The following NRBP2 variants were observed in gnomAD, a reference collection of about 807,000 sequenced individuals.
NRBP2 encodes the protein nuclear receptor binding protein 2, also known as nuclear receptor-binding protein 2.
In NRBP2, 47 loss-of-function variants were observed where a neutral mutation model predicts 74.4. The observed-to-expected ratio is 0.63, with a 90% confidence interval of 0.50 to 0.81. The LOEUF is 0.81. Ranked by LOEUF, NRBP2 falls within the 30% of genes least tolerant of loss-of-function variation. The probability of loss-of-function intolerance (pLI) is 0.00; values close to 1 mark genes in which losing one functional copy is unlikely to be tolerated. For missense variants in NRBP2, 613 were observed against 690.1 expected (o/e 0.89, Z 1.25); for synonymous variants, 312 against 273.8 (o/e 1.14, Z -1.38).
In NRBP2 at chr8:143,839,470, GCTCGGTGGCGCCGCGCC is replaced by G; in HGVS notation, c.485+22_485+38del. 6.5e-7 allele frequency: 1 copy of G among 1,530,502 alleles called. No homozygotes were observed. Among genetic ancestry groups the G allele is most frequent in the Non-Finnish European group, 8.7e-7 (1 of 1,143,296 alleles). 94.8% of individuals were successfully genotyped at this position (1,530,502 alleles called of 1,614,324 possible). A position where few individuals can be genotyped will look rare whatever the true frequency, so the allele number is the denominator to read the frequency against. ...GTCAGGAGGCTCTGGAGAGATGGGG[GCTCGGTGGCGCCGCGCC>G]CAGGCCAGCCCAGGCCCTCACCTGA... On this transcript the variant is annotated intron_variant, in intron 5 of 17. Coordinates refer to ENST00000442628, the MANE Select transcript of NRBP2 (RefSeq NM_178564.4). This position sits in a 1 kb window ranked among gnomAD's most constrained non-coding sequence, Gnocchi z 5.1.
intron 14 of NRBP2, among the ~76,000 whole-genome samples, 192 bp from the exon 15 acceptor site, chr8:143,836,372 G>A (rs746485326): frequency 5.5e-4 from 84 of 152,136 alleles, no homozygotes; most frequent in Non-Finnish European, 9.6e-4. Context: ...GGTACTGAAG[G>A]CTGAATAGGA....
intron 10 of NRBP2, among the ~76,000 whole-genome samples, chr8:143,838,442 G>A (rs1586659158): frequency 6.6e-6 from 1 of 152,364 alleles, no homozygotes; most frequent in Non-Finnish European, 1.5e-5. Context: ...GGTGATGGCA[G>A]CCACAGAGGG....
rs1818485166 is a variant in NRBP2, at chr8:143,837,721, G to A, written c.875C>T (p.Ala292Val). ...FILCCLARDPARRPSAHSLLF... is the reference protein window; with the variant it reads ...FILCCLARDPVRRPSAHSLLF... ...GAGGCTGTGGGCAGAGGGCCGGCGG[G>A]CAGGGTCCCGGGCCAGGCAGCAAAG... The change falls in exon 11 of 18, where the codon GCC becomes GTC. Residue 292 changes from alanine (A) to valine (V), a missense_variant. Around this residue, in one of 2 missense-constraint regions of NRBP2, gnomAD observed 332 missense variants for 429.2 expected, o/e 0.77. Transcript: ENST00000442628. This position sits in a 1 kb window ranked among gnomAD's most constrained non-coding sequence, Gnocchi z 4.3. 5 of 1,562,970 alleles carry A rather than the reference G, an allele frequency of 3.2e-6. No individual in the cohort carries two copies. The highest frequency in any genetic ancestry group is 3.5e-6 in the Non-Finnish European group (4 of 1,152,970).
intron 10 of NRBP2, chr8:143,838,070 C>T: frequency 1.6e-6 from 1 of 608,058 alleles, no homozygotes; most frequent in Non-Finnish European, 3.0e-6. Flanking sequence ...ATCGGCTCAG[C>T]TCGGGCCCAA....
chr8:143,830,615 G>C (rs934134552), downstream of NRBP2, among the ~76,000 whole-genome samples: 2 of 152,244 alleles, frequency 1.3e-5, no homozygotes, highest in Non-Finnish European at 2.9e-5. Flanking sequence ...GGGGTAGAGT[G>C]TTGCCCAGTA....
chr8:143,831,226 C>T (rs1554650198), downstream of NRBP2, among the ~76,000 whole-genome samples: 1 of 152,214 alleles, frequency 6.6e-6, no homozygotes, highest in Admixed American at 6.5e-5. Flanking sequence ...ACAGCTGTTA[C>T]CCCATTTTTA....
chr8:143,830,089 G>T (rs1818085503), downstream of NRBP2, among the ~76,000 whole-genome samples: 1 of 152,244 alleles, frequency 6.6e-6, no homozygotes, highest in South Asian at 2.1e-4. Context: ...TCCCGGGCAG[G>T]CCTCCTTTCA....
downstream of NRBP2, among the ~76,000 whole-genome samples, chr8:143,832,871 T>C (rs142040982): frequency 6.6e-6 from 1 of 152,348 alleles, no homozygotes; most frequent in African/African-American, 2.4e-5. Flanking sequence ...CTCTATACTT[T>C]TGTCTCTGTG....
rs782634797 is a variant in NRBP2, at chr8:143,835,991, G to A, written c.1357C>T (p.Gln453Ter). ...LLVLEDRLHR[Q>*]LTYDLLPTDS... is the part of the protein sequence containing the mutation. ...CTTGGGAGCAGGTCGTAGGTCAGCT[G>A]CCGGTGCAGCCGGTCTTCCAGCACC... The change falls in exon 16 of 18, where the codon CAG becomes TAG. Residue 453 changes from glutamine (Q) to a stop codon, truncating the protein, a stop_gained. Coordinates refer to ENST00000442628, the MANE Select transcript of NRBP2 (RefSeq NM_178564.4). LOFTEE classifies it high-confidence loss of function. The surrounding 1 kb of genome is among the most constrained non-coding windows in gnomAD (Gnocchi z 4.9). The A allele has an allele frequency of 5.7e-6, 9 of 1,577,908 alleles. No individual in the cohort carries two copies. Among genetic ancestry groups the A allele is most frequent in the Non-Finnish European group, 7.7e-6 (9 of 1,162,422 alleles).
chr8:143,836,632 A>T (rs1158240929), intron 14 of NRBP2, among the ~76,000 whole-genome samples: 2 of 136,968 alleles, frequency 1.5e-5, no homozygotes, highest in African/African-American at 5.6e-5. Context: ...GTGCTGCAGG[A>T]AAAGTCTGGG....
rs782578856 is a variant in NRBP2 at position 143,836,056 on chromosome 8, G to C, written c.1318-26C>G. On this transcript the variant is annotated intron_variant, in intron 15 of 17. Transcript: ENST00000442628. ...CTGGGGAGGCGGCGGGGCGTGGTCG[G>C]CTGGGGGTTCAGGGCTCCGCCACGC... The C allele has an allele frequency of 5.7e-6, 9 of 1,565,390 alleles. No individual in the cohort carries two copies. The South Asian group carries it at 9.5e-5, about 17-fold the overall frequency.
rs782073725 is a variant in NRBP2, at chr8:143,839,305, C to A, written c.580+9G>T. 1 of 1,552,390 alleles carries A rather than the reference C, an allele frequency of 6.4e-7. No individual in the cohort carries two copies. The highest frequency in any genetic ancestry group is 1.9e-5 in the Admixed American group (1 of 53,382). ...CCCGTTCCCCCACCCAGCCCTGCCC[C>A]GCCAGCACCGGAGCCGATCTTGATG... On this transcript the variant is annotated intron_variant, in intron 6 of 17. Transcript: ENST00000442628. This position sits in a 1 kb window ranked among gnomAD's most constrained non-coding sequence, Gnocchi z 5.1.
chr8:143,839,255 C>T lies in NRBP2; in HGVS notation c.580+59G>A, dbSNP rs557733829. 3.3e-5 allele frequency: 50 copies of T among 1,535,490 alleles called. No homozygotes were observed. The Middle Eastern group carries it at 1.7e-3, about 52-fold the overall frequency. ...GCTGGGGCATCAGAACTCCTCTGCC[C>T]TTGGCTCCAGGCACCTTCCCCTGCC... On this transcript the variant is annotated intron_variant, in intron 6 of 17. Coordinates refer to ENST00000442628, the MANE Select transcript of NRBP2 (RefSeq NM_178564.4). The surrounding 1 kb of genome is among the most constrained non-coding windows in gnomAD (Gnocchi z 5.1).
At position 143,835,484 on chromosome 8, in the gene NRBP2, C is replaced by T. The variant is rs782013811; in HGVS notation, c.*178G>A. ...CGGCTCCCCCACACCCACCCCCCAA[C>T]CCCTCGGCGCCCAAGGCAGGGTCAG... On this transcript the variant is annotated 3_prime_UTR_variant, in exon 18 of 18. Transcript: ENST00000442628. The surrounding 1 kb of genome is among the most constrained non-coding windows in gnomAD (Gnocchi z 4.9). 149 of 666,676 alleles carry T rather than the reference C, an allele frequency of 2.2e-4. 2 individuals are homozygous for T. In the Middle Eastern group the frequency reaches 9.9e-3, roughly 44 times the overall value. 41.3% of individuals were successfully genotyped at this position (666,676 alleles called of 1,614,324 possible).
chr8:143,840,814 C>A lies in NRBP2; in HGVS notation c.21G>T (p.Ala7=). Residue 7 remains alanine, a synonymous_variant, in exon 1 of 18, where the codon GCG becomes GCT. Transcript: ENST00000442628. This position sits in a 1 kb window ranked among gnomAD's most constrained non-coding sequence, Gnocchi z 5.7. MAAPEP[A]PRRARERERE... ...GCTCCCGTTCCCGGGCCCGCCTCGG[C>A]GCCGGCTCCGGGGCCGCCATGGTTC... The A allele has an allele frequency of 6.7e-7, 1 of 1,492,756 alleles. No individual in the cohort carries two copies. Among genetic ancestry groups the A allele is most frequent in the Non-Finnish European group, 8.9e-7 (1 of 1,126,754 alleles). The allele number at this position is 1,492,756 out of a possible 1,614,324, so 92.5% of individuals were successfully genotyped here.
Position 143,840,052 on chromosome 8 carries a change from TG to T in NRBP2, c.253-23del. On this transcript the variant is annotated intron_variant, in intron 2 of 17. Transcript: ENST00000442628. This position sits in a 1 kb window ranked among gnomAD's most constrained non-coding sequence, Gnocchi z 5.7. Reference sequence around the variant, plus strand: ...TCTCCTGGGGAGGGAGGGTGGTCGCTGGGTGGTCAGCAGGTGGTCACCCAAG... The same window carrying T: ...TCTCCTGGGGAGGGAGGGTGGTCGCTGGTGGTCAGCAGGTGGTCACCCAAG... 1 of 1,536,090 alleles carries T rather than the reference TG, an allele frequency of 6.5e-7. No individual in the cohort carries two copies. Among genetic ancestry groups the T allele is most frequent in the Admixed American group, 2.0e-5 (1 of 50,998 alleles).
At position 143,834,433 on chromosome 8, in the gene NRBP2, T is replaced by C. The variant is rs1818272829; in HGVS notation, c.*1229A>G. On this transcript the variant is annotated 3_prime_UTR_variant, in exon 18 of 18. Coordinates refer to ENST00000442628, the MANE Select transcript of NRBP2 (RefSeq NM_178564.4). Reference sequence around the variant, plus strand: ...CAGCCTGAAGGAGCAGGAGACAGAGTCTCCCCTAGAACCTCCAGGAAGGAA... The same window carrying C: ...CAGCCTGAAGGAGCAGGAGACAGAGCCTCCCCTAGAACCTCCAGGAAGGAA... The C allele has an allele frequency of 6.6e-6, 1 of 151,840 alleles. No homozygotes were observed. Among genetic ancestry groups the C allele is most frequent in the South Asian group, 2.1e-4 (1 of 4,796 alleles). The allele number at this position is 151,840 out of a possible 1,614,324, so 9.4% of individuals were successfully genotyped here.
downstream of NRBP2, among the ~76,000 whole-genome samples, chr8:143,832,405 C>T (rs1304360836): frequency 5.9e-5 from 9 of 151,988 alleles, no homozygotes; most frequent in African/African-American, 1.9e-4. Context: ...GCCCGACACC[C>T]GTAAAGGGTC....
chr8:143,839,590 G>A lies in NRBP2; in HGVS notation c.445-41C>T, dbSNP rs879951320. 9 of 1,519,516 alleles carry A rather than the reference G, an allele frequency of 5.9e-6. No homozygotes were observed. The African/African-American group carries it at 6.9e-5, about 12-fold the overall frequency. 94.1% of individuals were successfully genotyped at this position (1,519,516 alleles called of 1,614,324 possible). A position where few individuals can be genotyped will look rare whatever the true frequency, so the allele number is the denominator to read the frequency against. On this transcript the variant is annotated intron_variant, in intron 4 of 17. Transcript: ENST00000442628. This position sits in a 1 kb window ranked among gnomAD's most constrained non-coding sequence, Gnocchi z 5.1. ...CGACTCCGTCGGTCGGGTGGGCGCA[G>A]GAGAGGCGGCTGGGCCTGCGGAGCC...
Sources: allele counts gnomAD v4.1 joint callset (sites outside exome capture counted in the v4.1 genomes callset), GRCh38; gene constraint gnomAD v4.1.1; regional missense constraint gnomAD v4.1.1; non-coding constraint Gnocchi (gnomAD v3.1); transcripts MANE v1.5; gene names NCBI Gene and HGNC (gene_info 2026-07-23, HGNC 2026-07-21).